The following SV2C variants were observed in gnomAD, a reference collection of about 807,000 sequenced individuals.
SV2C encodes solute carrier family 22 member B3.
A neutral mutation model predicts 79.7 loss-of-function variants in SV2C; 49 were observed. That is an observed-to-expected ratio of 0.61 (90% CI 0.49 to 0.78). The LOEUF is 0.78. Ranked by LOEUF, SV2C falls within the 30% of genes least tolerant of loss-of-function variation. The pLI is 0.00. For synonymous variants in SV2C, 334 were observed against 333.2 expected, an observed-to-expected ratio of 1.00 and a Z score of -0.03; for missense variants, 833 against 912.9, an observed-to-expected ratio of 0.91 and a Z score of 1.13.
chr5:75,904,856 C>T, the SV2C span, among the ~76,000 whole-genome samples: 2 of 152,114 alleles, frequency 1.3e-5, no homozygotes, highest in Non-Finnish European at 1.5e-5. Flanking sequence ...TATATCTTAG[C>T]GAGAATTAAC....
chr5:76,036,814 C>A, the SV2C span, among the ~76,000 whole-genome samples: 1 of 152,206 alleles, frequency 6.6e-6, no homozygotes, highest in Non-Finnish European at 1.5e-5. Context: ...TGGGGAAGTT[C>A]TCCTGCATAA....
chr5:75,991,843 G>T, the SV2C span, among the ~76,000 whole-genome samples: 3 of 151,594 alleles, frequency 2.0e-5, no homozygotes, highest in African/African-American at 7.3e-5. Context: ...GGAAATGCCA[G>T]CTCTATCATA....
chr5:76,284,077 CCTCT>C lies in SV2C; in HGVS notation c.914-1082_914-1079del, dbSNP rs544593110. Among the ~76,000 whole-genome samples, 207 of 152,228 alleles carry C rather than the reference CCTCT, an allele frequency of 1.4e-3. 1 individual carries two copies. The highest frequency in any genetic ancestry group is 4.3e-3 in the Admixed American group (66 of 15,296). ...AATTCATCTATGCCTTTATAAATCT[CCTCT>C]CTGTTTTCAATTAGATTTGATATGC... On this transcript the variant is annotated intron_variant, in intron 4 of 12. Coordinates refer to ENST00000502798, the MANE Select transcript of SV2C (RefSeq NM_014979.4).
the SV2C span, among the ~76,000 whole-genome samples, chr5:75,978,959 G>A: frequency 6.6e-6 from 1 of 151,998 alleles, no homozygotes; most frequent in African/African-American, 2.4e-5. Context: ...TCCAGCCTGG[G>A]CAACAAAGCA....
the SV2C span, among the ~76,000 whole-genome samples, chr5:75,891,453 A>G: frequency 6.6e-6 from 1 of 152,228 alleles, no homozygotes; most frequent in Admixed American, 6.5e-5. Context: ...ATATATCATC[A>G]TTTTGGTTTA....
At chr5:75,934,753 T>C in the SV2C span, among the ~76,000 whole-genome samples, 3 of 152,282 alleles carry the variant, frequency 2.0e-5, no homozygotes, top group East Asian at 5.8e-4. Context: ...TGGTGGTGTG[T>C]GGGGGTACAT....
chr5:76,277,469 G>A (rs1006612483), intron 4 of SV2C, among the ~76,000 whole-genome samples: 2 of 152,156 alleles, frequency 1.3e-5, no homozygotes, highest in Non-Finnish European at 2.9e-5. Flanking sequence ...CGACTGTAAC[G>A]CAAAGTGTAA....
At chr5:76,286,324 G>T (rs1747356806) in intron 6 of SV2C, among the ~76,000 whole-genome samples, 1 of 152,076 alleles carries the variant, frequency 6.6e-6, no homozygotes, top group African/African-American at 2.4e-5. Flanking sequence ...GAGCCAGGCT[G>T]TGCAGGGCCA....
chr5:76,304,772 G>A lies in SV2C; in HGVS notation c.2000+3227G>A, dbSNP rs190052002. On this transcript the variant is annotated intron_variant, in intron 12 of 12. Coordinates refer to ENST00000502798, the MANE Select transcript of SV2C (RefSeq NM_014979.4). ...ACTGTGTGAAGCCTCTTTTATGAGG[G>A]CCTTAATCCCATTCACCAGGGAGAA... Among the ~76,000 whole-genome samples the A allele has an allele frequency of 2.1e-4, 32 of 152,238 alleles. No individual in the cohort carries two copies. The East Asian group carries it at 4.1e-3, about 19-fold the overall frequency.
chr5:76,058,164 G>T, the SV2C span, among the ~76,000 whole-genome samples: 2 of 152,070 alleles, frequency 1.3e-5, no homozygotes, highest in African/African-American at 4.8e-5. Flanking sequence ...CAGAAAATTG[G>T]CTATGGTGAG....
chr5:76,021,217 T>G, the SV2C span, among the ~76,000 whole-genome samples: 2 of 152,240 alleles, frequency 1.3e-5, no homozygotes, highest in African/African-American at 2.4e-5. Flanking sequence ...TTATTTACCC[T>G]AATAAACAAT....
At chr5:76,020,514 C>T in the SV2C span, among the ~76,000 whole-genome samples, 9 of 152,264 alleles carry the variant, frequency 5.9e-5, no homozygotes, top group Admixed American at 2.0e-4. Flanking sequence ...ACAGATCTAA[C>T]GGCGAGGGTA....
intron 1 of SV2C, chr5:76,083,849 CCGCCA>C (rs1007963267): frequency 7.7e-4 from 118 of 152,622 alleles, no homozygotes; most frequent in Middle Eastern, 3.4e-3. Context: ...TCTGCAGCGA[CCGCCA>C]CGCTCTTTTT....
At chr5:76,001,286 A>G in the SV2C span, among the ~76,000 whole-genome samples, 1 of 152,144 alleles carries the variant, frequency 6.6e-6, no homozygotes, top group South Asian at 2.1e-4. Flanking sequence ...TGCATACAGA[A>G]TTTTGACAAG....
At chr5:75,916,380 CTCCCCT>C in the SV2C span, among the ~76,000 whole-genome samples, 149 of 143,822 alleles carry the variant, frequency 1.0e-3, no homozygotes, top group South Asian at 7.6e-3. Context: ...CTTCCTCCTC[CTCCCCT>C]TCCCCTTCCC....
At chr5:76,022,437 T>G in the SV2C span, among the ~76,000 whole-genome samples, 1 of 152,214 alleles carries the variant, frequency 6.6e-6, no homozygotes. Flanking sequence ...CTCTTTCACC[T>G]GCTAAGCCTA....
intron 3 of SV2C, among the ~76,000 whole-genome samples, chr5:76,199,314 T>C (rs1328063443): frequency 6.6e-6 from 1 of 152,208 alleles, no homozygotes; most frequent in Non-Finnish European, 1.5e-5. Context: ...TTCCAAAATG[T>C]TGGGAATGTT....
chr5:76,126,330 G>C (rs924802168), intron 1 of SV2C, among the ~76,000 whole-genome samples: 5 of 152,182 alleles, frequency 3.3e-5, no homozygotes, highest in Non-Finnish European at 7.3e-5. Context: ...AGGCATACAG[G>C]TAGTTTACAG....
intron 4 of SV2C, among the ~76,000 whole-genome samples, chr5:76,237,612 G>T (rs776017750): frequency 2.6e-5 from 4 of 152,120 alleles, no homozygotes; most frequent in African/African-American, 9.7e-5. Context: ...TTAAACAGAA[G>T]TAGGTTGCTG....
Sources: gnomAD v4.1 joint callset for allele counts (sites outside exome capture counted in the v4.1 genomes callset) on GRCh38, gnomAD v4.1.1 for gene constraint, MANE v1.5 for transcripts, NCBI Gene and HGNC (gene_info 2026-07-23, HGNC 2026-07-21) for gene names.